The following MCU variants were observed in gnomAD, a reference collection of about 807,000 sequenced individuals.
MCU encodes mitochondrial calcium uniporter.
In MCU, 12 loss-of-function variants were observed where a neutral mutation model predicts 45.2. The ratio of observed to expected loss-of-function variants is 0.27; its 90% CI spans 0.17 to 0.43. The LOEUF (loss-of-function observed/expected upper bound fraction) is 0.43, where lower values mean the gene tolerates loss of function less well. MCU is among the 20% of genes least tolerant of loss of function. The pLI is 1.00. For missense variants in MCU, 324 were observed against 436.7 expected, an observed-to-expected ratio of 0.74 and a Z score of 2.30; for synonymous variants, 160 against 165.1, an observed-to-expected ratio of 0.97 and a Z score of 0.24.
At chr10:72,778,784 C>T (rs1343640872) in intron 1 of MCU, among the ~76,000 whole-genome samples, 1 of 151,666 alleles carries the variant, frequency 6.6e-6, no homozygotes, top group African/African-American at 2.4e-5. Flanking sequence ...CTATCCTTAC[C>T]AAGTGCACAT....
chr10:72,710,941 G>T (rs1842885236), intron 1 of MCU, among the ~76,000 whole-genome samples: 1 of 152,040 alleles, frequency 6.6e-6, no homozygotes, highest in South Asian at 2.1e-4. Context: ...GCTTTGGGAG[G>T]CCAAGGCAGG....
intron 1 of MCU, among the ~76,000 whole-genome samples, chr10:72,771,938 G>A (rs1216229198): frequency 1.3e-5 from 2 of 152,138 alleles, no homozygotes; most frequent in South Asian, 4.1e-4. Context: ...TTCTACCCAG[G>A]ACAAATAGTT....
In MCU at chr10:72,806,670, A is replaced by G. The variant is rs556728246; in HGVS notation, c.151-27689A>G. Among the ~76,000 whole-genome samples, 15 of 152,338 alleles carry G rather than the reference A, an allele frequency of 9.8e-5. No homozygotes were observed. In the East Asian group the frequency reaches 2.7e-3, roughly 27 times the overall value. ...CAATAAATCAATAAGAAAGAATCACATAATGTGAAGTTCCAAGAATAAAAT... is the reference window on the plus strand; with the variant it reads ...CAATAAATCAATAAGAAAGAATCACGTAATGTGAAGTTCCAAGAATAAAAT... On this transcript the variant is annotated intron_variant, in intron 1 of 7. Transcript: ENST00000373053.
chr10:72,877,383 A>G (rs1845633375), intron 6 of MCU, among the ~76,000 whole-genome samples: 1 of 152,214 alleles, frequency 6.6e-6, no homozygotes, highest in African/African-American at 2.4e-5. Context: ...AGATGAATGT[A>G]GAGGGCTTTC....
At chr10:72,692,806 C>T (rs560565588) in intron 1 of MCU, 449 of 1,412,890 alleles carry the variant, frequency 3.2e-4, no homozygotes, top group Non-Finnish European at 4.0e-4. Context: ...CCCGGCGGGG[C>T]CGCCCCTCGT....
chr10:72,864,128 C>T (rs930992050), intron 4 of MCU, among the ~76,000 whole-genome samples: 16 of 152,182 alleles, frequency 1.1e-4, no homozygotes, highest in Non-Finnish European at 1.9e-4. Context: ...ATAGCCACCT[C>T]TTGTTGCTAT....
intron 1 of MCU, among the ~76,000 whole-genome samples, chr10:72,710,016 C>T (rs1161240788): frequency 1.3e-5 from 2 of 152,138 alleles, no homozygotes; most frequent in Non-Finnish European, 2.9e-5. Context: ...CGATCTGTCG[C>T]CCAGGCTGGA....
chr10:72,726,530 A>G (rs1454080527), intron 1 of MCU, among the ~76,000 whole-genome samples: 2 of 152,016 alleles, frequency 1.3e-5, no homozygotes, highest in Non-Finnish European at 2.9e-5. Flanking sequence ...CACTGTGAAC[A>G]TTGTAATAAG....
At chr10:72,754,568 T>C (rs565726980) in intron 1 of MCU, among the ~76,000 whole-genome samples, 3 of 152,248 alleles carry the variant, frequency 2.0e-5, no homozygotes, top group African/African-American at 2.4e-5. Flanking sequence ...CTGGGCAACA[T>C]AGACCCTGTC....
intron 1 of MCU, among the ~76,000 whole-genome samples, chr10:72,696,541 T>C (rs1842690236): frequency 6.6e-6 from 1 of 152,232 alleles, no homozygotes; most frequent in Admixed American, 6.5e-5. Context: ...TGTTGTCTTC[T>C]GTCCTCTCTG....
intron 1 of MCU, among the ~76,000 whole-genome samples, chr10:72,727,275 C>T (rs1843114295): frequency 6.6e-6 from 1 of 152,182 alleles, no homozygotes; most frequent in Non-Finnish European, 1.5e-5. Flanking sequence ...TGAAAATACT[C>T]ATTGAGGATT....
rs189953482 is a variant in MCU, at chr10:72,838,475, G to A, written c.220+4047G>A. ...AAAATACAAAAATTAGCTGGGCGTG[G>A]TGGCATGTGCCTGTTGTCCCAGCTA... On this transcript the variant is annotated intron_variant, in intron 2 of 7. Coordinates refer to ENST00000373053, the MANE Select transcript of MCU (RefSeq NM_138357.3). 2.4e-3 allele frequency among the ~76,000 whole-genome samples: 364 copies of A among 152,210 alleles called. 1 individual carries two copies. Among genetic ancestry groups the A allele is most frequent in the African/African-American group, 8.2e-3 (341 of 41,514 alleles).
At chr10:72,705,905 C>G (rs370799974) in intron 1 of MCU, among the ~76,000 whole-genome samples, 7 of 151,922 alleles carry the variant, frequency 4.6e-5, no homozygotes, top group African/African-American at 1.7e-4. Context: ...CTCACTTGAA[C>G]CTGGGAGGCA....
At chr10:72,780,840 G>T (rs1843981643) in intron 1 of MCU, among the ~76,000 whole-genome samples, 1 of 152,120 alleles carries the variant, frequency 6.6e-6, no homozygotes, top group Non-Finnish European at 1.5e-5. Flanking sequence ...ATAGTTAAAT[G>T]AAGTTTTAGA....
chr10:72,742,695 A>G (rs182897481), intron 1 of MCU, among the ~76,000 whole-genome samples: 1 of 152,324 alleles, frequency 6.6e-6, no homozygotes, highest in East Asian at 1.9e-4. Context: ...AATAATGAAG[A>G]ACCATTAATT....
chr10:72,855,194 C>T (rs1358091629), intron 2 of MCU, among the ~76,000 whole-genome samples: 1 of 151,584 alleles, frequency 6.6e-6, no homozygotes. Context: ...AGCCAAGATC[C>T]CACTATTGCA....
chr10:72,800,233 C>T (rs1160644829), intron 1 of MCU, among the ~76,000 whole-genome samples: 2 of 152,138 alleles, frequency 1.3e-5, no homozygotes, highest in African/African-American at 2.4e-5. Context: ...ACATGGTGGC[C>T]GAGATAGTTG....
chr10:72,745,846 G>A (rs1843407847), intron 1 of MCU, among the ~76,000 whole-genome samples: 1 of 151,664 alleles, frequency 6.6e-6, no homozygotes, highest in African/African-American at 2.4e-5. Context: ...TTTTTATTGT[G>A]GTAAAGTATA....
At chr10:72,873,963 CTG>C (rs1478258876) in intron 6 of MCU, among the ~76,000 whole-genome samples, 1 of 152,090 alleles carries the variant, frequency 6.6e-6, no homozygotes, top group Non-Finnish European at 1.5e-5. Context: ...GTCTATGTGT[CTG>C]TTTTTATGCC....
Sources: allele counts gnomAD v4.1 joint callset (sites outside exome capture counted in the v4.1 genomes callset), GRCh38; gene constraint gnomAD v4.1.1; transcripts MANE v1.5; gene names NCBI Gene and HGNC (gene_info 2026-07-23, HGNC 2026-07-21).